Variants in ASCC3 observed in about 807,000 individuals in gnomAD.
The protein encoded by ASCC3 is ASC-1 complex subunit P200.
ASCC3 carries 158 observed loss-of-function variants against 256.3 expected under a neutral mutation model. The observed-to-expected ratio is 0.62, with a 90% CI of 0.54 to 0.70. The LOEUF (loss-of-function observed/expected upper bound fraction) is 0.70. ASCC3 is among the 30% of genes least tolerant of loss of function. The pLI is 0.00. For missense variants in ASCC3, 2,259 were observed against 2,626.0 expected (o/e 0.86, Z 3.05); for synonymous variants, 948 against 883.4 (o/e 1.07, Z -1.30).
chr6:100,703,532 T>G (rs1026025672), intron 13 of ASCC3, among the ~76,000 whole-genome samples: 2 of 152,014 alleles, frequency 1.3e-5, no homozygotes, highest in African/African-American at 4.8e-5. Flanking sequence ...TCTAGCAGCT[T>G]ACGGTGCTAA....
chr6:100,619,096 T>C (rs1562171842), intron 30 of ASCC3, among the ~76,000 whole-genome samples: 1 of 152,196 alleles, frequency 6.6e-6, no homozygotes, highest in Admixed American at 6.5e-5. Context: ...GAACTAGTAA[T>C]CATCAATGAT....
At chr6:100,836,565 C>T (rs146443770) in intron 4 of ASCC3, among the ~76,000 whole-genome samples, 10 of 152,084 alleles carry the variant, frequency 6.6e-5, no homozygotes, top group Admixed American at 1.3e-4. Flanking sequence ...ATATTTTGTA[C>T]CATCCTTGCA....
intron 3 of ASCC3, among the ~76,000 whole-genome samples, chr6:100,863,176 T>C (rs1403725102): frequency 6.6e-6 from 1 of 152,242 alleles, no homozygotes; most frequent in Non-Finnish European, 1.5e-5. Flanking sequence ...ATTTGCAATA[T>C]GATGAATTTC....
intron 30 of ASCC3, among the ~76,000 whole-genome samples, chr6:100,611,623 C>A (rs240111): frequency 0.53 from 80,031 of 151,628 alleles, 21,348 homozygotes; most frequent in East Asian, 0.68. Flanking sequence ...TTAATTTATA[C>A]AACTGAGTAT....
At chr6:100,522,384 T>A (rs1270361239) in intron 37 of ASCC3, among the ~76,000 whole-genome samples, 1 of 152,034 alleles carries the variant, frequency 6.6e-6, no homozygotes, top group Non-Finnish European at 1.5e-5. Flanking sequence ...GCAAAAACAA[T>A]AGGGTTTTCA....
At position 100,553,346 on chromosome 6, in the gene ASCC3, C is replaced by A. The variant is rs1164924248; in HGVS notation, c.5551-12959G>T. 2.0e-5 allele frequency among the ~76,000 whole-genome samples: 3 copies of A among 152,044 alleles called. No individual in the cohort carries two copies. In the East Asian group the frequency reaches 5.8e-4, roughly 29 times the overall value. On this transcript the variant is annotated intron_variant, in intron 36 of 41. Coordinates refer to ENST00000369162, the MANE Select transcript of ASCC3 (RefSeq NM_006828.4). ...TTTAAACAACTTGTCTAGCTAATTT[C>A]CTGTGTGATCACTGACTATCGGTAA...
intron 33 of ASCC3, among the ~76,000 whole-genome samples, chr6:100,603,365 T>C (rs1387975777): frequency 1.3e-5 from 2 of 152,082 alleles, no homozygotes; most frequent in African/African-American, 2.4e-5. Flanking sequence ...ACATCAAGCA[T>C]TGAAAGTGTC....
intron 13 of ASCC3, among the ~76,000 whole-genome samples, chr6:100,690,939 C>T (rs184535414): frequency 4.1e-4 from 63 of 152,258 alleles, no homozygotes; most frequent in African/African-American, 1.2e-3. Flanking sequence ...GAATGTGAAA[C>T]ATTCCTTATA....
At position 100,859,228 on chromosome 6, in the gene ASCC3, G is replaced by C. The variant is rs376938675; in HGVS notation, c.241+4836C>G. 84 of 779,298 alleles carry C rather than the reference G, an allele frequency of 1.1e-4. No homozygotes were observed. The African/African-American group carries it at 1.1e-3, about 11-fold the overall frequency. 48.3% of individuals were successfully genotyped at this position (779,298 alleles called of 1,614,324 possible). On this transcript the variant is annotated intron_variant, in intron 3 of 41. Transcript: ENST00000369162. ...CTAGGAAAAAGTAGCCCAAATGCCAGGATCACATTTTCTGGGTTAATTTCT... is the reference window on the plus strand; with the variant it reads ...CTAGGAAAAAGTAGCCCAAATGCCACGATCACATTTTCTGGGTTAATTTCT...
intron 10 of ASCC3, among the ~76,000 whole-genome samples, chr6:100,765,263 G>A (rs1202207798): frequency 6.6e-6 from 1 of 152,026 alleles, no homozygotes; most frequent in Non-Finnish European, 1.5e-5. Context: ...CCATCTGAAT[G>A]GACCCCTCCT....
chr6:100,532,843 T>C (rs189661214), intron 37 of ASCC3, among the ~76,000 whole-genome samples: 192 of 152,294 alleles, frequency 1.3e-3, no homozygotes, highest in African/African-American at 4.5e-3. Flanking sequence ...TGAAAATTTA[T>C]ATTCAGGCTA....
intron 13 of ASCC3, 46 bp from the exon 14 acceptor site, chr6:100,679,798 T>G: frequency 6.3e-7 from 1 of 1,588,510 alleles, no homozygotes; most frequent in Non-Finnish European, 8.6e-7. Context: ...ATTAATTAAA[T>G]TACAGCTTAA....
chr6:100,737,961 T>C (rs1055371566), intron 10 of ASCC3, among the ~76,000 whole-genome samples: 2 of 152,210 alleles, frequency 1.3e-5, no homozygotes, highest in Admixed American at 6.5e-5. Flanking sequence ...TTAATTTGCA[T>C]TTATCTAATG....
chr6:100,769,582 T>A (rs1781825879), intron 8 of ASCC3, among the ~76,000 whole-genome samples: 1 of 149,806 alleles, frequency 6.7e-6, no homozygotes, highest in African/African-American at 2.5e-5. Flanking sequence ...AAATGAAAAA[T>A]TAGAAAAAGA....
At chr6:100,697,780 A>T (rs1039026115) in intron 13 of ASCC3, among the ~76,000 whole-genome samples, 2 of 152,126 alleles carry the variant, frequency 1.3e-5, no homozygotes, top group African/African-American at 4.8e-5. Context: ...ATTTGCCATC[A>T]GCAGAAAGGC....
At chr6:100,817,944 A>G (rs1282519449) in intron 4 of ASCC3, among the ~76,000 whole-genome samples, 2 of 152,222 alleles carry the variant, frequency 1.3e-5, no homozygotes, top group Non-Finnish European at 1.5e-5. Context: ...TCAGATAAAC[A>G]TATCACCAGA....
chr6:100,771,541 A>ATAT (rs1554228090), intron 8 of ASCC3, among the ~76,000 whole-genome samples: 40 of 1,422 alleles, frequency 0.028, no homozygotes, highest in African/African-American at 0.031. Flanking sequence ...TACGTAGAAT[A>ATAT]AAAAAACTCA....
At chr6:100,673,055 C>A (rs754833519) in intron 14 of ASCC3, among the ~76,000 whole-genome samples, 50 of 152,132 alleles carry the variant, frequency 3.3e-4, no homozygotes, top group Middle Eastern at 3.4e-3. Flanking sequence ...GTTAATTATG[C>A]ACTTTAACTT....
chr6:100,862,426 A>G (rs1773269444), intron 3 of ASCC3, among the ~76,000 whole-genome samples: 1 of 152,202 alleles, frequency 6.6e-6, no homozygotes, highest in Non-Finnish European at 1.5e-5. Context: ...ACATATTTTA[A>G]AAAGTTAACA....
Sources: gnomAD v4.1 joint callset for allele counts (sites outside exome capture counted in the v4.1 genomes callset) on GRCh38, gnomAD v4.1.1 for gene constraint, MANE v1.5 for transcripts, NCBI Gene and HGNC (gene_info 2026-07-23, HGNC 2026-07-21) for gene names.